Variants in DSCAM observed in about 807,000 individuals in gnomAD.
DSCAM encodes the protein cell adhesion molecule DSCAM.
Under a neutral mutation model 217.7 loss-of-function variants are expected in DSCAM, and 47 were observed. That is an observed-to-expected ratio of 0.22 (90% CI 0.17 to 0.28). The LOEUF is 0.28. DSCAM is among the 10% of genes least tolerant of loss of function. The pLI, the probability that DSCAM is intolerant of heterozygous loss-of-function variation, is 1.00. For missense variants in DSCAM, 2,080 were observed against 2,618.3 expected (o/e 0.79, Z 4.49); for synonymous variants, 1,056 against 1,015.3 (o/e 1.04, Z -0.76).
chr21:40,340,980 C>A (rs1295070887), intron 6 of DSCAM, among the ~76,000 whole-genome samples: 2 of 150,114 alleles, frequency 1.3e-5, no homozygotes, highest in Non-Finnish European at 2.9e-5. Flanking sequence ...CTTCCCTCCA[C>A]CCCCTACTCC....
chr21:40,834,066 A>G (rs545957451), intron 1 of DSCAM, among the ~76,000 whole-genome samples: 1 of 152,278 alleles, frequency 6.6e-6, no homozygotes, highest in Non-Finnish European at 1.5e-5. Flanking sequence ...TGTCCGGTGC[A>G]TACTTCTTTT....
intron 11 of DSCAM, among the ~76,000 whole-genome samples, chr21:40,206,832 G>A (rs1462236901): frequency 6.6e-6 from 1 of 152,144 alleles, no homozygotes; most frequent in Non-Finnish European, 1.5e-5. Flanking sequence ...GACCCCTTGG[G>A]CCCAACAGGT....
In DSCAM at chr21:40,412,647, A is replaced by T. The variant is rs578080764; in HGVS notation, c.509-43402T>A. ...TCAAGATGTGACTAGGGTGCTGTTAAAGGCATTCAGTTTTAAAAGGGGAAC... is the reference window on the plus strand; with the variant it reads ...TCAAGATGTGACTAGGGTGCTGTTATAGGCATTCAGTTTTAAAAGGGGAAC... On this transcript the variant is annotated intron_variant, in intron 3 of 32. Transcript: ENST00000400454. 2.3e-3 allele frequency among the ~76,000 whole-genome samples: 357 copies of T among 152,358 alleles called. 1 individual carries two copies. Among genetic ancestry groups the T allele is most frequent in the African/African-American group, 8.2e-3 (341 of 41,584 alleles).
chr21:40,258,403 G>A (rs983678473), intron 11 of DSCAM, among the ~76,000 whole-genome samples: 1 of 152,162 alleles, frequency 6.6e-6, no homozygotes, highest in African/African-American at 2.4e-5. Context: ...GTTGCAAAAT[G>A]ATGCCAAACC....
At chr21:40,214,616 G>A (rs139389796) in intron 11 of DSCAM, among the ~76,000 whole-genome samples, 11 of 151,664 alleles carry the variant, frequency 7.3e-5, no homozygotes, top group African/African-American at 2.7e-4. Flanking sequence ...CACTGAACAT[G>A]TAAGGATTCT....
chr21:40,533,305 A>G (rs1318751726), intron 3 of DSCAM, among the ~76,000 whole-genome samples: 2 of 152,206 alleles, frequency 1.3e-5, no homozygotes, highest in Non-Finnish European at 2.9e-5. Context: ...TATGTACAAA[A>G]TATTTTGCAT....
intron 3 of DSCAM, among the ~76,000 whole-genome samples, chr21:40,686,217 A>ACACACACACACCCCC (rs112835937): frequency 9.5e-5 from 14 of 146,796 alleles, no homozygotes; most frequent in South Asian, 4.4e-4. Flanking sequence ...CCACACACAC[A>ACACACACACACCCCC]CACACACACA....
At chr21:40,024,235 G>T (rs2088332308) in intron 32 of DSCAM, among the ~76,000 whole-genome samples, 1 of 89,628 alleles carries the variant, frequency 1.1e-5, no homozygotes. Context: ...CTATATCTGT[G>T]TTTTGGTACC....
chr21:40,682,615 G>GAA (rs1555880018), intron 3 of DSCAM, among the ~76,000 whole-genome samples: 3 of 103,336 alleles, frequency 2.9e-5, no homozygotes, highest in African/African-American at 1.2e-4. Context: ...AAGAAAGAAA[G>GAA]AGAAAGAGAA....
chr21:40,673,510 G>A (rs1274277010), intron 3 of DSCAM, among the ~76,000 whole-genome samples: 2 of 152,168 alleles, frequency 1.3e-5, no homozygotes, highest in African/African-American at 4.8e-5. Context: ...TACGTTGGAA[G>A]TAGTTTTTTC....
Position 40,828,073 on chromosome 21 carries a change from C to G in DSCAM, c.43+18546G>C, listed in dbSNP as rs1207660968. On this transcript the variant is annotated intron_variant, in intron 1 of 32. Transcript: ENST00000400454. ...AGAGAGAAAACAGAATGTTGATATG[C>G]TGAGCTGGAAGAGGGGGAAGTTGAG... is the stretch of plus-strand genomic sequence containing the variant. Among the ~76,000 whole-genome samples the G allele has an allele frequency of 2.0e-5, 3 of 152,090 alleles. No homozygotes were observed. The East Asian group carries it at 5.8e-4, about 29-fold the overall frequency.
intron 32 of DSCAM, among the ~76,000 whole-genome samples, chr21:40,014,753 A>C (rs544978108): frequency 1.3e-5 from 2 of 152,222 alleles, no homozygotes; most frequent in South Asian, 4.1e-4. Context: ...GAATTTCCCC[A>C]ATAAATTCCT....
intron 3 of DSCAM, among the ~76,000 whole-genome samples, chr21:40,483,786 C>T (rs147701978): frequency 3.3e-5 from 5 of 152,270 alleles, no homozygotes; most frequent in South Asian, 2.1e-4. Flanking sequence ...AGTACCCAGA[C>T]GTGCGTGGGC....
intron 3 of DSCAM, among the ~76,000 whole-genome samples, chr21:40,376,111 A>C (rs530619956): frequency 4.6e-5 from 7 of 152,224 alleles, no homozygotes; most frequent in African/African-American, 1.7e-4. Context: ...TTCCTATTGC[A>C]GTCTATATGA....
chr21:40,431,503 C>T (rs763403804), intron 3 of DSCAM, among the ~76,000 whole-genome samples: 21 of 152,090 alleles, frequency 1.4e-4, no homozygotes, highest in Non-Finnish European at 2.9e-5. Context: ...AGACGGAGAC[C>T]TTTATGACTC....
At chr21:40,451,306 C>T (rs2075717292) in intron 3 of DSCAM, among the ~76,000 whole-genome samples, 1 of 152,214 alleles carries the variant, frequency 6.6e-6, no homozygotes. Flanking sequence ...CCCAGCTCCC[C>T]ATGGCACTTT....
At chr21:40,157,757 C>T (rs1451155135) in intron 16 of DSCAM, among the ~76,000 whole-genome samples, 1 of 151,620 alleles carries the variant, frequency 6.6e-6, no homozygotes, top group Non-Finnish European at 1.5e-5. Flanking sequence ...TGCATTGATG[C>T]CATCTCAGCT....
intron 3 of DSCAM, among the ~76,000 whole-genome samples, chr21:40,476,102 G>T (rs888344477): frequency 6.6e-6 from 1 of 151,968 alleles, no homozygotes; most frequent in Non-Finnish European, 1.5e-5. Flanking sequence ...TCTATAGGAG[G>T]GTCCCCATTT....
intron 1 of DSCAM, among the ~76,000 whole-genome samples, chr21:40,728,575 C>T (rs1046380840): frequency 6.6e-6 from 1 of 152,034 alleles, no homozygotes; most frequent in Non-Finnish European, 1.5e-5. Flanking sequence ...CCTACAACCA[C>T]GCCCGGCTAA....
Sources: gnomAD v4.1 joint callset for allele counts (sites outside exome capture counted in the v4.1 genomes callset) on GRCh38, gnomAD v4.1.1 for gene constraint, MANE v1.5 for transcripts, NCBI Gene and HGNC (gene_info 2026-07-23, HGNC 2026-07-21) for gene names.